The following KCNT1 variants were observed in gnomAD, a reference collection of about 807,000 sequenced individuals.
KCNT1 encodes the protein potassium sodium-activated channel subfamily T member 1.
KCNT1 carries 78 observed loss-of-function variants against 147.8 expected under a neutral mutation model. The ratio of observed to expected loss-of-function variants is 0.53; its 90% CI spans 0.44 to 0.64. KCNT1 has a LOEUF of 0.64. Among genes scored for constraint, KCNT1 ranks in the 30% least tolerant of loss-of-function variants. The pLI is 0.00. For missense variants in KCNT1, 1,419 were observed against 1,750.3 expected, an observed-to-expected ratio of 0.81 and a Z score of 3.38; for synonymous variants, 867 against 748.8, an observed-to-expected ratio of 1.16 and a Z score of -2.58.
chr9:135,757,374 A>C lies in KCNT1; in HGVS notation c.752A>C (p.Asn251Thr). Residue 251 changes from asparagine to threonine, a missense_variant, in exon 9 of 31, where the codon AAC (asparagine) becomes ACC (threonine). Physicochemically the swap from Asn to Thr is moderately conservative, Grantham distance 65. Around this residue, in one of 5 missense-constraint regions of KCNT1, gnomAD observed 401 missense variants for 610.6 expected, o/e 0.66. Coordinates refer to ENST00000371757, the MANE Select transcript of KCNT1 (RefSeq NM_020822.3). ...NCWLAKHALE[N>T]MINDFHRAIL... is the part of the protein sequence containing the mutation. The stretch of plus-strand genomic sequence containing the variant: ...TGGCTGGCCAAGCACGCGCTGGAAA[A>C]CATGATTGTAAGCCGGGGCGGGGGG... 1.2e-6 allele frequency: 2 copies of C among 1,608,108 alleles called. No individual in the cohort carries two copies. The highest frequency in any genetic ancestry group is 1.7e-6 in the Non-Finnish European group (2 of 1,179,788).
intron 2 of KCNT1, among the ~76,000 whole-genome samples, chr9:135,748,121 C>G (rs1017956833): frequency 6.6e-6 from 1 of 152,062 alleles, no homozygotes; most frequent in Non-Finnish European, 1.5e-5. Context: ...TTTATTGAGA[C>G]GGGGGTCTTG....
chr9:135,755,242 G>C (rs1486429177), intron 6 of KCNT1, 73 bp downstream of exon 6: 4 of 1,360,174 alleles, frequency 2.9e-6, no homozygotes, highest in Non-Finnish European at 4.0e-6. Flanking sequence ...CCCAGACTCA[G>C]TAAGTAGGGA....
intron 2 of KCNT1, among the ~76,000 whole-genome samples, chr9:135,749,333 G>A (rs1211058384): frequency 6.8e-6 from 1 of 148,040 alleles, no homozygotes; most frequent in African/African-American, 2.5e-5. Flanking sequence ...TGCCACCCCC[G>A]GCAACTGGCA....
chr9:135,726,795 T>TTC (rs375859667), intron 2 of KCNT1, among the ~76,000 whole-genome samples: 3 of 98,638 alleles, frequency 3.0e-5, no homozygotes, highest in Non-Finnish European at 6.1e-5. Context: ...GTCTTTCCTA[T>TTC]TCTCTCTCTC....
intron 2 of KCNT1, among the ~76,000 whole-genome samples, chr9:135,743,583 A>G (rs1473842691): frequency 6.6e-6 from 1 of 152,128 alleles, no homozygotes; most frequent in Non-Finnish European, 1.5e-5. Context: ...CATGGTGCAG[A>G]GGGTGACGGG....
rs781212036 is a variant in KCNT1 at position 135,784,564 on chromosome 9, C to A, written c.2973C>A (p.Ile991=). 2.0e-6 allele frequency: 3 copies of A among 1,524,022 alleles called. No homozygotes were observed. The highest frequency in any genetic ancestry group is 2.7e-6 in the Non-Finnish European group (3 of 1,130,048). 94.4% of individuals were successfully genotyped at this position (1,524,022 alleles called of 1,614,324 possible). ...QSFVKDYMIT[I]TRLLLGLDTT... is the part of the protein sequence containing the mutation. ...TCGTGAAGGACTACATGATCACCAT[C>A]ACCCGGCTGCTGCTGGGCCTGGACA... is the stretch of plus-strand genomic sequence containing the variant. Residue 991 remains isoleucine, a synonymous_variant, in exon 26 of 31, where the codon ATC becomes ATA. Coordinates refer to ENST00000371757, the MANE Select transcript of KCNT1 (RefSeq NM_020822.3).
intron 2 of KCNT1, among the ~76,000 whole-genome samples, chr9:135,717,031 C>A (rs1264077300): frequency 6.9e-6 from 1 of 144,950 alleles, no homozygotes; most frequent in African/African-American, 2.6e-5. Context: ...CGGGAGGGGA[C>A]CTGGCCCCTG....
In KCNT1 at chr9:135,742,856, G is replaced by C. The variant is rs866604420; in HGVS notation, c.255-7242G>C. The C allele has an allele frequency of 3.2e-5, 23 of 716,716 alleles. 1 individual carries two copies. The Middle Eastern group carries it at 5.3e-3, about 164-fold the overall frequency. 44.4% of individuals were successfully genotyped at this position (716,716 alleles called of 1,614,324 possible). ...GAGGAACTGTCTTGGTGGCAGACAA[G>C]GGCTCTTAGAGGTGTGAGAGCCCTT... On this transcript the variant is annotated intron_variant, in intron 2 of 30. Coordinates refer to ENST00000371757, the MANE Select transcript of KCNT1 (RefSeq NM_020822.3).
chr9:135,785,246 C>T, intron 27 of KCNT1, 64 bp from the exon 28 acceptor site: 1 of 1,601,196 alleles, frequency 6.2e-7, no homozygotes, highest in African/African-American at 1.3e-5. Flanking sequence ...AGACCCCAGG[C>T]TGAGGCGGCG....
intron 1 of KCNT1, among the ~76,000 whole-genome samples, chr9:135,705,117 T>C (rs1444529666): frequency 1.3e-5 from 2 of 152,170 alleles, no homozygotes; most frequent in Non-Finnish European, 2.9e-5. Flanking sequence ...ACACAGAAAA[T>C]TACTTGGGAC....
intron 1 of KCNT1, among the ~76,000 whole-genome samples, chr9:135,708,999 T>C (rs1002662724): frequency 3.9e-5 from 6 of 152,344 alleles, no homozygotes; most frequent in African/African-American, 1.4e-4. Flanking sequence ...AGGACATCTT[T>C]AGCCCTTAGC....
At chr9:135,755,857 C>T (rs553609707) in intron 6 of KCNT1, among the ~76,000 whole-genome samples, 51 of 151,224 alleles carry the variant, frequency 3.4e-4, no homozygotes, top group African/African-American at 1.2e-3. Context: ...CAAACCCAGG[C>T]TCAGTGAGCA....
intron 1 of KCNT1, among the ~76,000 whole-genome samples, chr9:135,713,850 G>C (rs1361994632): frequency 6.6e-6 from 1 of 152,182 alleles, no homozygotes; most frequent in Non-Finnish European, 1.5e-5. Context: ...AGACCACCAG[G>C]GGTCCTCCCA....
chr9:135,768,422 T>A, intron 13 of KCNT1, 188 bp from the exon 14 acceptor site: 2 of 393,482 alleles, frequency 5.1e-6, no homozygotes. Context: ...AGGGGCCTCC[T>A]CCCGCCTTCC....
At chr9:135,770,823 G>C (rs148022360) in intron 17 of KCNT1, 34 bp from the exon 18 acceptor site, 40 of 1,525,356 alleles carry the variant, frequency 2.6e-5, no homozygotes, top group Non-Finnish European at 3.6e-5. Flanking sequence ...GCGGGTGAGC[G>C]GCGGTACCTG....
chr9:135,769,086 C>A lies in KCNT1; in HGVS notation c.1510+149C>A, dbSNP rs539512521. The A allele has an allele frequency of 8.5e-6, 5 of 586,658 alleles. No individual in the cohort carries two copies. In the African/African-American group the frequency reaches 1.1e-4, roughly 13 times the overall value. The allele number at this position is 586,658 out of a possible 1,614,324, so 36.3% of individuals were successfully genotyped here. A position where few individuals can be genotyped will look rare whatever the true frequency, so the allele number is the denominator to read the frequency against. Reference sequence around the variant, plus strand: ...GCGTGTGCACACGTGGGTGACGGTGCGTCTGGGGCAGGATGCGTGTGCACA... The same window carrying A: ...GCGTGTGCACACGTGGGTGACGGTGAGTCTGGGGCAGGATGCGTGTGCACA... On this transcript the variant is annotated intron_variant, in intron 15 of 30. Coordinates refer to ENST00000371757, the MANE Select transcript of KCNT1 (RefSeq NM_020822.3).
intron 18 of KCNT1, among the ~76,000 whole-genome samples, chr9:135,771,509 G>A (rs1272133010): frequency 2.0e-5 from 3 of 152,252 alleles, no homozygotes; most frequent in Admixed American, 6.5e-5. Flanking sequence ...CCACAGGACC[G>A]GTTGGCAGCT....
intron 29 of KCNT1, chr9:135,791,505 T>G (rs745373730): frequency 6.9e-6 from 3 of 435,838 alleles, no homozygotes; most frequent in South Asian, 4.9e-5. Flanking sequence ...GCTCAGTGCC[T>G]CTGCTCAGGG....
At chr9:135,780,380 G>T (rs1003495406) in intron 24 of KCNT1, among the ~76,000 whole-genome samples, 1 of 152,136 alleles carries the variant, frequency 6.6e-6, no homozygotes, top group African/African-American at 2.4e-5. Context: ...GCCAGGCCCG[G>T]CCTGGCCACC....
Sources: gnomAD v4.1 joint callset for allele counts (sites outside exome capture counted in the v4.1 genomes callset) on GRCh38, gnomAD v4.1.1 for gene constraint, gnomAD v4.1.1 regional missense constraint, MANE v1.5 for transcripts, NCBI Gene and HGNC (gene_info 2026-07-23, HGNC 2026-07-21) for gene names.